Variants in EXTL3 observed in about 807,000 individuals in gnomAD.
The protein encoded by EXTL3 is exostosin like glycosyltransferase 3.
A neutral mutation model predicts 69.3 loss-of-function variants in EXTL3; 27 were observed. The ratio of observed to expected loss-of-function variants is 0.39; its 90% CI spans 0.29 to 0.54. EXTL3 has a LOEUF of 0.54. Among genes scored for constraint, EXTL3 ranks in the 20% least tolerant of loss-of-function variants. The probability of loss-of-function intolerance (pLI) is 0.69; values close to 1 mark genes in which losing one functional copy is unlikely to be tolerated. For missense variants in EXTL3, 1,003 were observed against 1,231.8 expected, an observed-to-expected ratio of 0.81 and a Z score of 2.78; for synonymous variants, 511 against 499.4, an observed-to-expected ratio of 1.02 and a Z score of -0.31.
At chr8:28,666,589 T>TA (rs1482409773) in intron 1 of EXTL3, among the ~76,000 whole-genome samples, 1 of 151,238 alleles carries the variant, frequency 6.6e-6, no homozygotes, top group Non-Finnish European at 1.5e-5. Context: ...TCTTTTTTTT[T>TA]ATTTGAGACA....
chr8:28,736,243 T>C (rs1213778371), intron 4 of EXTL3, among the ~76,000 whole-genome samples: 2 of 152,224 alleles, frequency 1.3e-5, no homozygotes, highest in African/African-American at 4.8e-5. Context: ...TTGTGATTTC[T>C]CCTCTTTTGG....
rs1198583116 is a variant in EXTL3 at position 28,751,182 on chromosome 8, A to G, written c.*316A>G. On this transcript the variant is annotated 3_prime_UTR_variant, in exon 7 of 7. Transcript: ENST00000220562. ...AGGACAGCTGGTTCGTGGTTTTTAC[A>G]TTCAATAACAACTATTATGATTATT... is the stretch of plus-strand genomic sequence containing the variant. The G allele has an allele frequency of 7.8e-6, 3 of 382,574 alleles. No homozygotes were observed. Among genetic ancestry groups the G allele is most frequent in the Non-Finnish European group, 1.5e-5 (3 of 206,448 alleles). The allele number at this position is 382,574 out of a possible 1,614,324, so 23.7% of individuals were successfully genotyped here.
intron 5 of EXTL3, among the ~76,000 whole-genome samples, chr8:28,738,432 T>G (rs1225750535): frequency 6.6e-6 from 1 of 152,246 alleles, no homozygotes; most frequent in Non-Finnish European, 1.5e-5. Flanking sequence ...TAGTTTGGAT[T>G]ACTGGGTTAA....
At chr8:28,725,626 C>T (rs1163283098) in intron 3 of EXTL3, among the ~76,000 whole-genome samples, 1 of 152,136 alleles carries the variant, frequency 6.6e-6, no homozygotes, top group Non-Finnish European at 1.5e-5. Context: ...TGCTATATTG[C>T]CAGGCACTGT....
upstream of EXTL3, among the ~76,000 whole-genome samples, chr8:28,622,495 G>T (rs1554545960): frequency 6.6e-6 from 1 of 152,092 alleles, no homozygotes; most frequent in Non-Finnish European, 1.5e-5. Flanking sequence ...GCGAGAAGGC[G>T]GGCCCGGGAG....
Position 28,750,659 on chromosome 8 carries a change from G to C in EXTL3, c.2553G>C (p.Val851=). ...SHITRKPPIK[V]TSRWTFRCPG... is the part of the protein sequence containing the mutation. Reference sequence around the variant, plus strand: ...CTGTCTCTCTCTCCCGTTTCCAGGTGACCTCACGGTGGACATTCCGATGCC... The same window carrying C: ...CTGTCTCTCTCTCCCGTTTCCAGGTCACCTCACGGTGGACATTCCGATGCC... The change falls in exon 7 of 7, where the codon GTG becomes GTC. Residue 851 remains valine, a splice_region_variant and synonymous_variant. Coordinates refer to ENST00000220562, the MANE Select transcript of EXTL3 (RefSeq NM_001440.4). This position sits in a 1 kb window ranked among gnomAD's most constrained non-coding sequence, Gnocchi z 5.2. 2 of 1,613,818 alleles carry C rather than the reference G, an allele frequency of 1.2e-6. No individual in the cohort carries two copies. The highest frequency in any genetic ancestry group is 1.7e-6 in the Non-Finnish European group (2 of 1,179,734).
chr8:28,727,056 A>C (rs1234120967), intron 3 of EXTL3, among the ~76,000 whole-genome samples: 1 of 151,228 alleles, frequency 6.6e-6, no homozygotes, highest in East Asian at 1.9e-4. Context: ...ATTTTTAAAA[A>C]ATTATTTTTA....
chr8:28,682,847 A>G (rs1222324100), intron 1 of EXTL3, among the ~76,000 whole-genome samples: 2 of 152,214 alleles, frequency 1.3e-5, no homozygotes, highest in Non-Finnish European at 2.9e-5. Context: ...ACCAATGTCA[A>G]GAAGCTTTTC....
chr8:28,742,830 C>A, intron 5 of EXTL3: 1 of 454,510 alleles, frequency 2.2e-6, no homozygotes, highest in Non-Finnish European at 4.1e-6. Context: ...TTCAAAATCA[C>A]TGCGGTACCA....
intron 1 of EXTL3, among the ~76,000 whole-genome samples, chr8:28,703,190 T>C (rs1334172962): frequency 6.6e-6 from 1 of 152,170 alleles, no homozygotes; most frequent in African/African-American, 2.4e-5. Flanking sequence ...GTCAGAATTG[T>C]GGCTCTTCAG....
intron 1 of EXTL3, among the ~76,000 whole-genome samples, chr8:28,676,908 A>G (rs578213036): frequency 1.3e-5 from 2 of 152,226 alleles, no homozygotes; most frequent in East Asian, 3.9e-4. Flanking sequence ...TGAGAACTGC[A>G]TTTCAAATCT....
At position 28,626,496 on chromosome 8, in the gene EXTL3, C is replaced by T. The variant is rs538269202; in HGVS notation, c.-53+3686C>T. Among the ~76,000 whole-genome samples, 27 of 152,280 alleles carry T rather than the reference C, an allele frequency of 1.8e-4. No homozygotes were observed. The Middle Eastern group carries it at 0.017, about 96-fold the overall frequency. On this transcript the variant is annotated intron_variant, in intron 1 of 6. Transcript: ENST00000523149. ...TTGGTGGAACGTGTGGCCAAATGGT[C>T]ATGCATTCCTAGACATTATCAGCTT...
In EXTL3 at chr8:28,682,188, T is replaced by C. The variant is rs142720211; in HGVS notation, c.-52-31269T>C. 1.9e-3 allele frequency among the ~76,000 whole-genome samples: 283 copies of C among 152,384 alleles called. 1 individual carries two copies. The highest frequency in any genetic ancestry group is 6.5e-3 in the African/African-American group (272 of 41,596). ...GTGGTTTTAATTTGCATTTTCCTAA[T>C]GATTAGCGAAGTTGAGCATTTTTTT... On this transcript the variant is annotated intron_variant, in intron 1 of 6. Transcript: ENST00000523149.
intron 1 of EXTL3, among the ~76,000 whole-genome samples, chr8:28,683,749 G>A (rs1315160216): frequency 6.6e-6 from 1 of 152,042 alleles, no homozygotes; most frequent in Non-Finnish European, 1.5e-5. Flanking sequence ...GGCGGAGCTT[G>A]CAGTGAGCTG....
At chr8:28,632,188 C>A (rs191824714) in intron 1 of EXTL3, among the ~76,000 whole-genome samples, 6,539 of 152,000 alleles carry the variant, frequency 0.043, 385 homozygotes, top group African/African-American at 0.13. Context: ...AGGTGGATCA[C>A]CTGAGGTCAG....
At chr8:28,734,758 T>A (rs551555998) in intron 4 of EXTL3, among the ~76,000 whole-genome samples, 1 of 152,302 alleles carries the variant, frequency 6.6e-6, no homozygotes, top group South Asian at 2.1e-4. Context: ...GGCGATCTTT[T>A]TCAAATTAAG....
chr8:28,638,688 G>T (rs187879555), intron 1 of EXTL3, among the ~76,000 whole-genome samples: 1 of 152,286 alleles, frequency 6.6e-6, no homozygotes, highest in African/African-American at 2.4e-5. Context: ...CTAGAGTGCA[G>T]TGGTGCAATC....
intron 2 of EXTL3, among the ~76,000 whole-genome samples, chr8:28,614,272 CTTTTTTTTTT>C (rs35659799): frequency 7.6e-5 from 8 of 104,904 alleles, no homozygotes; most frequent in Non-Finnish European, 5.8e-5. Context: ...GGGTTTTTTG[CTTTTTTTTTT>C]TTTTTTTTTT....
Position 28,662,909 on chromosome 8 carries a change from A to G in EXTL3, c.-53+40099A>G, listed in dbSNP as rs115606019. Reference sequence around the variant, plus strand: ...TTGTTTGAGGCTGCAGTGAACCACGATTGTGCCACTGCACTCTAGCCTGGA... The same window carrying G: ...TTGTTTGAGGCTGCAGTGAACCACGGTTGTGCCACTGCACTCTAGCCTGGA... On this transcript the variant is annotated intron_variant, in intron 1 of 6. Coordinates refer to the EXTL3 transcript ENST00000523149. 3.0e-3 allele frequency among the ~76,000 whole-genome samples: 464 copies of G among 152,230 alleles called. 3 individuals are homozygous for G. Among genetic ancestry groups the G allele is most frequent in the African/African-American group, 0.011 (437 of 41,530 alleles).
Sources: allele counts gnomAD v4.1 joint callset (sites outside exome capture counted in the v4.1 genomes callset), GRCh38; gene constraint gnomAD v4.1.1; non-coding constraint Gnocchi (gnomAD v3.1); transcripts MANE v1.5; gene names NCBI Gene and HGNC (gene_info 2026-07-23, HGNC 2026-07-21).